ATP2B4: variants seen among roughly 807,000 people sequenced by gnomAD.
ATP2B4 encodes plasma membrane calcium-transporting ATPase 4.
A neutral mutation model predicts 110.3 loss-of-function variants in ATP2B4; 39 were observed. That is an observed-to-expected ratio of 0.35 (90% CI 0.27 to 0.46). ATP2B4 has a LOEUF of 0.46. Among genes scored for constraint, ATP2B4 ranks in the 20% least tolerant of loss-of-function variants. ATP2B4 has a pLI of 1.00. For missense variants in ATP2B4, 1,135 were observed against 1,530.9 expected (o/e 0.74, Z 4.32); for synonymous variants, 538 against 571.7 (o/e 0.94, Z 0.84).
At chr1:203,683,867 G>A (rs1665096450) in intron 2 of ATP2B4, among the ~76,000 whole-genome samples, 4 of 151,052 alleles carry the variant, frequency 2.6e-5, no homozygotes, top group Admixed American at 2.6e-4. Context: ...GTAGAGTTGA[G>A]GTCTCAGTAT....
In ATP2B4 at chr1:203,700,683, A is replaced by G. The variant is rs188615239; in HGVS notation, c.776-115A>G. 37 of 1,404,290 alleles carry G rather than the reference A, an allele frequency of 2.6e-5. No individual in the cohort carries two copies. The African/African-American group carries it at 4.9e-4, about 18-fold the overall frequency. The allele number at this position is 1,404,290 out of a possible 1,614,324, so 87.0% of individuals were successfully genotyped here. On this transcript the variant is annotated intron_variant, in intron 5 of 20. Transcript: ENST00000357681. ...GACCTTTTCCTACTGTGCTAAGCAC[A>G]TCATTATCCATGGGGTAGGGAGGAG...
chr1:203,725,904 C>CTTTTTTTTTTTTTTTTTTTTTTTT (rs756184004), intron 19 of ATP2B4, among the ~76,000 whole-genome samples: 4 of 93,380 alleles, frequency 4.3e-5, no homozygotes, highest in African/African-American at 1.4e-4. Context: ...CTTTTCTTTT[C>CTTTTTTTTTTTTTTTTTTTTTTTT]TTTTTTTTTT....
chr1:203,730,146 T>A (rs991487756), intron 20 of ATP2B4, among the ~76,000 whole-genome samples: 16 of 151,050 alleles, frequency 1.1e-4, no homozygotes, highest in African/African-American at 3.9e-4. Flanking sequence ...TTCCTTTTTT[T>A]AAAAAAAAAT....
chr1:203,660,942 T>C (rs1664321229), intron 1 of ATP2B4, among the ~76,000 whole-genome samples: 1 of 151,474 alleles, frequency 6.6e-6, no homozygotes, highest in African/African-American at 2.4e-5. Flanking sequence ...AAACCCTGTC[T>C]CTACTAAAAA....
intron 1 of ATP2B4, among the ~76,000 whole-genome samples, chr1:203,670,941 T>C (rs940301668): frequency 2.0e-5 from 3 of 152,200 alleles, no homozygotes; most frequent in African/African-American, 7.2e-5. Flanking sequence ...CATTCAGTTA[T>C]CATATGAGAT....
In ATP2B4 at chr1:203,721,308, C is replaced by G. The variant is rs772556685; in HGVS notation, c.2710C>G (p.Pro904Ala). The change falls in exon 17 of 21, where the codon CCC becomes GCC. Residue 904 changes from proline (P) to alanine (A), a missense_variant. By Grantham distance (27) the Pro-to-Ala change is conservative. Transcript: ENST00000357681. ...TACGGAATCTCTGTTGAAGCGGCGC[C>G]CCTATGGCCGAAATAAGCCTCTGAT... Reference protein sequence around the residue: ...PPTESLLKRRPYGRNKPLISR... With the variant: ...PPTESLLKRRAYGRNKPLISR... 6.2e-7 allele frequency: 1 copy of G among 1,614,092 alleles called. No homozygotes were observed. The highest frequency in any genetic ancestry group is 8.5e-7 in the Non-Finnish European group (1 of 1,180,038).
In ATP2B4 at chr1:203,721,325, G is replaced by A. The variant is rs777027829; in HGVS notation, c.2727G>A (p.Lys909=). 5 of 1,614,058 alleles carry A rather than the reference G, an allele frequency of 3.1e-6. No individual in the cohort carries two copies. The highest frequency in any genetic ancestry group is 1.7e-5 in the Admixed American group (1 of 60,002). Residue 909 remains lysine (K), a synonymous_variant, in exon 17 of 21, where the codon AAG becomes AAA. Coordinates refer to ENST00000357681, the MANE Select transcript of ATP2B4 (RefSeq NM_001684.5). ...AGCGGCGCCCCTATGGCCGAAATAA[G>A]CCTCTGATCTCACGCACTATGATGA... is the stretch of plus-strand genomic sequence containing the variant. The part of the protein sequence containing the change: ...LLKRRPYGRN[K]PLISRTMMKN...
intron 1 of ATP2B4, among the ~76,000 whole-genome samples, chr1:203,664,893 G>A (rs71643037): frequency 1.1e-3 from 174 of 152,134 alleles, no homozygotes; most frequent in South Asian, 4.6e-3. Flanking sequence ...GTGCAGTGGC[G>A]CGATCTTGGC....
chr1:203,714,557 G>A (rs1276298950), intron 15 of ATP2B4, among the ~76,000 whole-genome samples: 1 of 152,190 alleles, frequency 6.6e-6, no homozygotes, highest in African/African-American at 2.4e-5. Flanking sequence ...TTGTCAACTA[G>A]GCAAACTCTA....
At chr1:203,659,562 G>T (rs1320403741) in intron 1 of ATP2B4, among the ~76,000 whole-genome samples, 2 of 152,186 alleles carry the variant, frequency 1.3e-5, no homozygotes, top group African/African-American at 4.8e-5. Context: ...CCACAAAGGA[G>T]GCTGAGGTGG....
At chr1:203,657,512 A>C (rs535004006) in intron 1 of ATP2B4, 2 of 794,220 alleles carry the variant, frequency 2.5e-6, no homozygotes, top group African/African-American at 3.4e-5. Context: ...GAGTCTTTTC[A>C]TCCTTCTTTT....
chr1:203,711,194 C>T lies in ATP2B4; in HGVS notation c.2031+86C>T. The T allele has an allele frequency of 5.6e-6, 7 of 1,244,210 alleles. 1 individual carries two copies. The South Asian group carries it at 9.0e-5, about 16-fold the overall frequency. 77.1% of individuals were successfully genotyped at this position (1,244,210 alleles called of 1,614,324 possible). A position where few individuals can be genotyped will look rare whatever the true frequency, so the allele number is the denominator to read the frequency against. The stretch of plus-strand genomic sequence containing the variant: ...TTGTGACCCCAGGCAGGTAACCTAA[C>T]TGCCTCTCACTTAGAGGGATAGAAG... On this transcript the variant is annotated intron_variant, in intron 12 of 20. Transcript: ENST00000357681.
chr1:203,630,905 G>A (rs1663248416), intron 1 of ATP2B4, among the ~76,000 whole-genome samples: 1 of 152,248 alleles, frequency 6.6e-6, no homozygotes, highest in Non-Finnish European at 1.5e-5. Flanking sequence ...CAAAATGCTT[G>A]TGTGGAATGT....
chr1:203,723,587 T>C (rs982331515), intron 18 of ATP2B4, among the ~76,000 whole-genome samples: 1 of 151,840 alleles, frequency 6.6e-6, no homozygotes, highest in Non-Finnish European at 1.5e-5. Context: ...ACCTTCTCCT[T>C]GTCACTAACT....
chr1:203,640,225 C>T (rs1284984805), intron 1 of ATP2B4, among the ~76,000 whole-genome samples: 1 of 152,176 alleles, frequency 6.6e-6, no homozygotes, highest in Non-Finnish European at 1.5e-5. Context: ...ACCCCTTGAC[C>T]CCACTCCCAA....
chr1:203,720,786 G>A, intron 16 of ATP2B4, 46 bp downstream of exon 16: 2 of 1,569,106 alleles, frequency 1.3e-6, no homozygotes, highest in Non-Finnish European at 1.7e-6. Context: ...TGAGTCAGGG[G>A]CTAAGGAACA....
chr1:203,659,717 C>T (rs909937206), intron 1 of ATP2B4, among the ~76,000 whole-genome samples: 20 of 152,054 alleles, frequency 1.3e-4, no homozygotes, highest in African/African-American at 4.8e-4. Flanking sequence ...GTAGTTCTAG[C>T]TACTGGGGAG....
intron 20 of ATP2B4, among the ~76,000 whole-genome samples, chr1:203,738,685 AG>A (rs1410595946): frequency 6.6e-5 from 10 of 152,206 alleles, no homozygotes; most frequent in Non-Finnish European, 1.0e-4. Context: ...TAGAGAAAGC[AG>A]CATGATTGGG....
In ATP2B4 at chr1:203,703,695, C is replaced by T. The variant is rs369438674; in HGVS notation, c.981C>T (p.Asn327=). 1.9e-6 allele frequency: 3 copies of T among 1,614,032 alleles called. No individual in the cohort carries two copies. The highest frequency in any genetic ancestry group is 2.7e-5 in the African/African-American group (2 of 74,924). Residue 327 remains asparagine, a synonymous_variant, in exon 8 of 21, where the codon AAC becomes AAT. Transcript: ENST00000357681. ...DGVALEIQPL[N]SQEGIDNEEK... The stretch of plus-strand genomic sequence containing the variant: ...TGGCCCTGGAAATCCAGCCACTCAA[C>T]AGCCAGGAGGGAATCGACAATGAGG...
Sources: gnomAD v4.1 joint callset for allele counts (sites outside exome capture counted in the v4.1 genomes callset) on GRCh38, gnomAD v4.1.1 for gene constraint, MANE v1.5 for transcripts, NCBI Gene and HGNC (gene_info 2026-07-23, HGNC 2026-07-21) for gene names.